The following CENPT variants were observed in gnomAD, a reference collection of about 807,000 sequenced individuals.
CENPT encodes interphase centromere complex protein 22.
CENPT carries 42 observed loss-of-function variants against 59.7 expected under a neutral mutation model. The ratio of observed to expected loss-of-function variants is 0.70; its 90% CI spans 0.55 to 0.91. CENPT has a LOEUF of 0.91. Among genes scored for constraint, CENPT ranks in the 40% least tolerant of loss-of-function variants. The pLI is 0.00. For synonymous variants in CENPT, 295 were observed against 289.6 expected (o/e 1.02, Z -0.19); for missense variants, 716 against 713.4 (o/e 1.00, Z -0.04).
chr16:67,839,842 T>C (rs2057751385), intron 1 of CENPT, among the ~76,000 whole-genome samples: 1 of 151,234 alleles, frequency 6.6e-6, no homozygotes, highest in African/African-American at 2.4e-5. Context: ...CCACTGCACT[T>C]CAGCCTCAAC....
rs1330515308 is a variant in CENPT, at chr16:67,843,049, C to G, written c.-492+4352G>C. The stretch of plus-strand genomic sequence containing the variant: ...TTCTCACCCTTCAGGCCACTGTAGA[C>G]AGCAGTCAGGCTCCGGGATCCGTAC... On this transcript the variant is annotated intron_variant, in intron 1 of 15. Transcript: ENST00000562787. This position sits in a 1 kb window ranked among gnomAD's most constrained non-coding sequence, Gnocchi z 5.7. The G allele has an allele frequency of 3.1e-6, 5 of 1,612,328 alleles. No homozygotes were observed. The highest frequency in any genetic ancestry group is 4.2e-6 in the Non-Finnish European group (5 of 1,180,034).
chr16:67,833,269 G>A (rs140863106), intron 4 of CENPT, among the ~76,000 whole-genome samples: 44 of 152,354 alleles, frequency 2.9e-4, no homozygotes, highest in Non-Finnish European at 4.7e-4. Flanking sequence ...TTCCCAGCTG[G>A]GAGCTACAAG....
At chr16:67,837,159 C>T (rs1038519479) in intron 1 of CENPT, among the ~76,000 whole-genome samples, 7 of 151,696 alleles carry the variant, frequency 4.6e-5, no homozygotes, top group African/African-American at 9.7e-5. Flanking sequence ...CGTGAGCCAC[C>T]GTGCCTTGCC....
chr16:67,829,591 TTC>T (rs1484143233), intron 12 of CENPT, 75 bp from the exon 13 acceptor site: 1 of 1,426,996 alleles, frequency 7.0e-7, no homozygotes, highest in African/African-American at 1.4e-5. Flanking sequence ...GCCACAGTAT[TTC>T]TGTCCTGTTT....
chr16:67,842,979 C>G lies in CENPT; in HGVS notation c.-492+4422G>C, dbSNP rs924997433. 1 of 1,612,196 alleles carries G rather than the reference C, an allele frequency of 6.2e-7. No individual in the cohort carries two copies. Among genetic ancestry groups the G allele is most frequent in the African/African-American group, 1.3e-5 (1 of 74,938 alleles). On this transcript the variant is annotated intron_variant, in intron 1 of 15. Transcript: ENST00000562787. The surrounding 1 kb of genome is among the most constrained non-coding windows in gnomAD (Gnocchi z 4.9). ...TCACCCTCTGCCTCCACTGCCCAGA[C>G]TGCCCAGCTGCAGCCGAACCTGGTA...
intron 5 of CENPT, 39 bp downstream of exon 5, chr16:67,832,416 C>G: frequency 1.9e-6 from 3 of 1,610,138 alleles, no homozygotes; most frequent in Non-Finnish European, 2.6e-6. Flanking sequence ...CTCCCCGAGG[C>G]AGCCAGGGCC....
chr16:67,828,508 C>T lies in CENPT; in HGVS notation c.1528G>A (p.Val510Met). 6.2e-7 allele frequency: 1 copy of T among 1,614,238 alleles called. No individual in the cohort carries two copies. Among genetic ancestry groups the T allele is most frequent in the Non-Finnish European group, 8.5e-7 (1 of 1,180,050 alleles). ...AGCAGCTCCAGGTCCTCTGGCTTCA[C>T]AGTCTTGCGGCCAGCATGAGCAGCA... is the stretch of plus-strand genomic sequence containing the variant. Reference protein sequence around the residue: ...VFAAHAGRKTVKPEDLELLMR... With the variant: ...VFAAHAGRKTMKPEDLELLMR... Residue 510 changes from valine to methionine, a missense_variant, in exon 15 of 16, where the codon GTG (valine) becomes ATG (methionine). Physicochemically the swap from Val to Met is conservative, Grantham distance 21 (BLOSUM62 1). Coordinates refer to ENST00000562787, the MANE Select transcript of CENPT (RefSeq NM_025082.4).
At chr16:67,840,991 C>A (rs1451973983) in intron 1 of CENPT, among the ~76,000 whole-genome samples, 1 of 136,404 alleles carries the variant, frequency 7.3e-6, no homozygotes, top group Non-Finnish European at 1.5e-5. Flanking sequence ...GAAACCCCGT[C>A]TCTACTAAAT....
In CENPT at chr16:67,828,828, A is replaced by G; in HGVS notation, c.1296T>C (p.Pro432=). 6.3e-7 allele frequency: 1 copy of G among 1,582,820 alleles called. No homozygotes were observed. The highest frequency in any genetic ancestry group is 8.5e-7 in the Non-Finnish European group (1 of 1,171,852). The change falls in exon 14 of 16, where the codon CCT becomes CCC. Residue 432 remains proline (P), a synonymous_variant. Coordinates refer to ENST00000562787, the MANE Select transcript of CENPT (RefSeq NM_025082.4). ...APGAAVLSSE[P]AEPLLVRHPP... is the part of the protein sequence containing the mutation. ...GATGCCTGACCAACAGAGGCTCTGC[A>G]GGCTCTGAAGATAAGCTGAGGGCAA... is the stretch of plus-strand genomic sequence containing the variant.
intron 1 of CENPT, among the ~76,000 whole-genome samples, chr16:67,836,965 T>A (rs562820903): frequency 2.6e-5 from 4 of 151,892 alleles, no homozygotes; most frequent in African/African-American, 7.2e-5. Flanking sequence ...ATGGTCTCGA[T>A]CTCCTGACCT....
chr16:67,833,847 T>C lies in CENPT; in HGVS notation c.13A>G (p.Asn5Asp), dbSNP rs752222834. Reference sequence around the variant, plus strand: ...CGCGGCGTGGAGTCGCTGTCAGGGTTGTGGTCAGCCATCGTCTCGGCCCCG... The same window carrying C: ...CGCGGCGTGGAGTCGCTGTCAGGGTCGTGGTCAGCCATCGTCTCGGCCCCG... MADH[N>D]PDSDSTPRTL... The change falls in exon 4 of 16, where the codon AAC becomes GAC. Residue 5 changes from asparagine (N) to aspartate (D), a missense_variant. By Grantham distance (23) the Asn-to-Asp change is conservative. Transcript: ENST00000562787. 6.4e-7 allele frequency: 1 copy of C among 1,559,384 alleles called. No homozygotes were observed. Among genetic ancestry groups the C allele is most frequent in the African/African-American group, 1.4e-5 (1 of 71,648 alleles).
intron 1 of CENPT, among the ~76,000 whole-genome samples, chr16:67,836,963 G>A (rs373540981): frequency 3.9e-5 from 6 of 151,980 alleles, no homozygotes; most frequent in Admixed American, 2.0e-4. Context: ...GGATGGTCTC[G>A]ATCTCCTGAC....
rs1410670740 is a variant in CENPT, at chr16:67,831,780, A to C, written c.497T>G (p.Val166Gly). The C allele has an allele frequency of 1.0e-5, 16 of 1,586,024 alleles. No homozygotes were observed. The South Asian group carries it at 1.3e-4, about 13-fold the overall frequency. Residue 166 changes from valine (V) to glycine (G), a missense_variant, in exon 8 of 16, where the codon GTG (valine) becomes GGG (glycine). Val to Gly is a moderately radical substitution (Grantham distance 109). Transcript: ENST00000562787. Reference protein sequence around the residue: ...RLRLSVFQQGVDQGLSLSQEP... With the variant: ...RLRLSVFQQGGDQGLSLSQEP... Reference sequence around the variant, plus strand: ...TTGGGAGAGAGACAGCCCCTGGTCCACTCCCTGCTGAAACACTGACAGTCT... The same window carrying C: ...TTGGGAGAGAGACAGCCCCTGGTCCCCTCCCTGCTGAAACACTGACAGTCT...
chr16:67,836,863 TC>T (rs1342369220), intron 1 of CENPT, among the ~76,000 whole-genome samples: 1 of 152,126 alleles, frequency 6.6e-6, no homozygotes, highest in African/African-American at 2.4e-5. Flanking sequence ...TGCCTCAGCC[TC>T]CCGAGTAGCT....
Position 67,833,754 on chromosome 16 carries a change from C to A in CENPT, c.106G>T (p.Ala36Ser), listed in dbSNP as rs767357814. 5 of 1,539,908 alleles carry A rather than the reference C, an allele frequency of 3.2e-6. No individual in the cohort carries two copies. The highest frequency in any genetic ancestry group is 4.4e-6 in the Non-Finnish European group (5 of 1,144,724). The change falls in exon 4 of 16, where the codon GCT (alanine) becomes TCT (serine). Residue 36 changes from alanine to serine, a missense_variant. Coordinates refer to ENST00000562787, the MANE Select transcript of CENPT (RefSeq NM_025082.4). ...TCGGGGAGCCCCCTCACATACCCAG[C>A]CCGAGCACTCCGGGGTCGCCGCGGG... ...RTPRRPRSAR[A>S]GARRALLETA...
Position 67,843,071 on chromosome 16 carries a change from G to C in CENPT, c.-492+4330C>G. 1 of 1,611,458 alleles carries C rather than the reference G, an allele frequency of 6.2e-7. No homozygotes were observed. The highest frequency in any genetic ancestry group is 8.5e-7 in the Non-Finnish European group (1 of 1,180,012). On this transcript the variant is annotated intron_variant, in intron 1 of 15. Coordinates refer to ENST00000562787, the MANE Select transcript of CENPT (RefSeq NM_025082.4). This position sits in a 1 kb window ranked among gnomAD's most constrained non-coding sequence, Gnocchi z 5.7. ...AGACAGCAGTCAGGCTCCGGGATCC[G>C]TACAGCCGGCGCCCATCACTCCCAC... is the stretch of plus-strand genomic sequence containing the variant.
chr16:67,841,051 C>T (rs1292933287), intron 1 of CENPT, among the ~76,000 whole-genome samples: 1 of 127,544 alleles, frequency 7.8e-6, no homozygotes, highest in African/African-American at 3.3e-5. Flanking sequence ...ATATATTAGC[C>T]GGGCATGGTG....
intron 1 of CENPT, among the ~76,000 whole-genome samples, chr16:67,836,184 C>A (rs2057733946): frequency 6.6e-6 from 1 of 151,712 alleles, no homozygotes; most frequent in African/African-American, 2.4e-5. Flanking sequence ...CCTCAGCCTC[C>A]CAAGTAGCTG....
At position 67,831,995 on chromosome 16, in the gene CENPT, G is replaced by A; in HGVS notation, c.386+17C>T. 1 of 1,592,276 alleles carries A rather than the reference G, an allele frequency of 6.3e-7. No individual in the cohort carries two copies. Among genetic ancestry groups the A allele is most frequent in the Non-Finnish European group, 8.6e-7 (1 of 1,167,448 alleles). On this transcript the variant is annotated intron_variant, in intron 7 of 15. Transcript: ENST00000562787. The stretch of plus-strand genomic sequence containing the variant: ...AGCTGCCCATAGCACAATCCAAGGT[G>A]GGGGAGTTCTGTGTACCTGCCGCAA...
Sources: gnomAD v4.1 joint callset for allele counts (sites outside exome capture counted in the v4.1 genomes callset) on GRCh38, gnomAD v4.1.1 for gene constraint, Gnocchi (gnomAD v3.1) non-coding constraint, MANE v1.5 for transcripts, NCBI Gene and HGNC (gene_info 2026-07-23, HGNC 2026-07-21) for gene names.